Variants in MCTP1 observed in about 807,000 individuals in gnomAD.
MCTP1 encodes the protein multiple C2 and transmembrane domain containing 1, also known as multiple C2 and transmembrane domain-containing protein 1.
In MCTP1, 69 loss-of-function variants were observed where a neutral mutation model predicts 120.6. The ratio of observed to expected loss-of-function variants is 0.57; its 90% CI spans 0.47 to 0.70. MCTP1 has a LOEUF of 0.70. Among genes scored for constraint, MCTP1 ranks in the 30% least tolerant of loss-of-function variants. The pLI is 0.00. For synonymous variants in MCTP1, 529 were observed against 493.1 expected (o/e 1.07, Z -0.96); for missense variants, 1,203 against 1,248.8 (o/e 0.96, Z 0.55).
intron 19 of MCTP1, among the ~76,000 whole-genome samples, chr5:94,740,577 G>T (rs147170822): frequency 1.6e-4 from 25 of 152,246 alleles, no homozygotes; most frequent in Non-Finnish European, 2.5e-4. Flanking sequence ...AGAAATTCAG[G>T]CTGTTGGATT....
chr5:94,918,066 A>G (rs1810579711), intron 7 of MCTP1, 93 bp from the exon 8 acceptor site: 1 of 935,216 alleles, frequency 1.1e-6, no homozygotes, highest in African/African-American at 1.7e-5. Context: ...ACTCTTCAGA[A>G]AACATTATTT....
At chr5:94,777,571 T>G (rs191586650) in intron 19 of MCTP1, among the ~76,000 whole-genome samples, 4 of 152,240 alleles carry the variant, frequency 2.6e-5, no homozygotes, top group Non-Finnish European at 4.4e-5. Context: ...ATCTTTATGG[T>G]GGCTTTAATA....
intron 11 of MCTP1, among the ~76,000 whole-genome samples, chr5:94,893,914 C>T (rs1211795777): frequency 1.3e-5 from 2 of 152,158 alleles, no homozygotes; most frequent in Non-Finnish European, 2.9e-5. Flanking sequence ...AAGGCATTTA[C>T]TTTTTCAAAC....
At position 94,744,630 on chromosome 5, in the gene MCTP1, A is replaced by C. The variant is rs556208862; in HGVS notation, c.2611-29744T>G. 3.7e-3 allele frequency among the ~76,000 whole-genome samples: 563 copies of C among 152,104 alleles called. 3 individuals carry two copies. Among genetic ancestry groups the C allele is most frequent in the Non-Finnish European group, 5.4e-3 (364 of 67,980 alleles). Reference sequence around the variant, plus strand: ...GGGATTCTCACGCCTCAGCCTTCTGAGTAGCTGGGATTACAGGCGTGTGCC... The same window carrying C: ...GGGATTCTCACGCCTCAGCCTTCTGCGTAGCTGGGATTACAGGCGTGTGCC... On this transcript the variant is annotated intron_variant, in intron 19 of 22. Transcript: ENST00000515393.
intron 2 of MCTP1, among the ~76,000 whole-genome samples, chr5:94,965,889 C>T (rs1399183667): frequency 6.6e-6 from 1 of 152,110 alleles, no homozygotes; most frequent in African/African-American, 2.4e-5. Flanking sequence ...TTTTCCTTTC[C>T]AGAGGACCCA....
intron 1 of MCTP1, among the ~76,000 whole-genome samples, chr5:95,175,284 G>C (rs1747830880): frequency 6.6e-6 from 1 of 152,190 alleles, no homozygotes; most frequent in Non-Finnish European, 1.5e-5. Flanking sequence ...TGTCAGATGA[G>C]TTTTCAATTG....
intron 17 of MCTP1, among the ~76,000 whole-genome samples, chr5:94,800,198 A>G (rs1331194175): frequency 1.3e-5 from 2 of 152,200 alleles, no homozygotes; most frequent in Non-Finnish European, 2.9e-5. Flanking sequence ...AACCCAAACC[A>G]TTATTGTGTA....
Position 95,001,323 on chromosome 5 carries a change from T to C in MCTP1, c.838+16044A>G, listed in dbSNP as rs545951829. 3.9e-5 allele frequency among the ~76,000 whole-genome samples: 6 copies of C among 152,216 alleles called. No individual in the cohort carries two copies. In the South Asian group the frequency reaches 1.2e-3, roughly 32 times the overall value. On this transcript the variant is annotated intron_variant, in intron 2 of 22. Transcript: ENST00000515393. ...GCTGCTGTAAAGATACCAAAAAATG[T>C]GGAAGTGACTTTGGAACTCGGTAAT...
At chr5:94,924,325 T>C (rs1490371209) in intron 6 of MCTP1, among the ~76,000 whole-genome samples, 2 of 152,190 alleles carry the variant, frequency 1.3e-5, no homozygotes, top group Non-Finnish European at 2.9e-5. Context: ...TGTTCAAGCA[T>C]ATTTTAATAT....
At position 94,873,166 on chromosome 5, in the gene MCTP1, T is replaced by C. The variant is rs758675904; in HGVS notation, c.2009A>G (p.Asn670Ser). ...CGTGAAGACTTTATTCCACTCAGGA[T>C]TGAGATTTTTGTAGACAGTATGTGT... ...LLTHTVYKNL[N>S]PEWNKVFTFN... The change falls in exon 13 of 23, where the codon AAT becomes AGT. Residue 670 changes from asparagine (N) to serine (S), a missense_variant. Around this residue, in one of 2 missense-constraint regions of MCTP1, gnomAD observed 740 missense variants for 871.1 expected, o/e 0.85. Coordinates refer to ENST00000515393, the MANE Select transcript of MCTP1 (RefSeq NM_024717.7). 6.2e-6 allele frequency: 10 copies of C among 1,606,126 alleles called. No homozygotes were observed. In the South Asian group the frequency reaches 7.7e-5, roughly 12 times the overall value.
At chr5:94,781,760 A>G (rs1268382657) in intron 18 of MCTP1, among the ~76,000 whole-genome samples, 5 of 152,160 alleles carry the variant, frequency 3.3e-5, no homozygotes, top group Admixed American at 1.3e-4. Context: ...TGCAAAACCC[A>G]AACTGTTCTT....
intron 1 of MCTP1, among the ~76,000 whole-genome samples, chr5:95,228,054 T>G (rs1213508265): frequency 6.6e-6 from 1 of 152,136 alleles, no homozygotes; most frequent in East Asian, 1.9e-4. Flanking sequence ...TTATAGTAGT[T>G]CAAACAAAAG....
At chr5:95,102,704 T>C (rs1454891903) in intron 1 of MCTP1, among the ~76,000 whole-genome samples, 2 of 152,088 alleles carry the variant, frequency 1.3e-5, no homozygotes, top group African/African-American at 2.4e-5. Flanking sequence ...GATTACAGTA[T>C]GTTCAGAATA....
chr5:94,962,345 G>A (rs1333822300), intron 2 of MCTP1, among the ~76,000 whole-genome samples: 1 of 151,922 alleles, frequency 6.6e-6, no homozygotes, highest in East Asian at 1.9e-4. Flanking sequence ...ACTTGCACAT[G>A]CATGTTTAAG....
intron 1 of MCTP1, among the ~76,000 whole-genome samples, chr5:95,177,081 T>A (rs1307672291): frequency 6.6e-6 from 1 of 151,328 alleles, no homozygotes; most frequent in Non-Finnish European, 1.5e-5. Context: ...TATATACACA[T>A]AATATATATT....
At chr5:94,728,214 A>T (rs1314742625) in intron 19 of MCTP1, among the ~76,000 whole-genome samples, 2 of 152,200 alleles carry the variant, frequency 1.3e-5, no homozygotes, top group Non-Finnish European at 2.9e-5. Context: ...TTGAGGGAGA[A>T]AGGGCAAGAA....
intron 17 of MCTP1, among the ~76,000 whole-genome samples, chr5:94,857,162 T>C (rs1269137348): frequency 6.6e-6 from 1 of 151,694 alleles, no homozygotes; most frequent in African/African-American, 2.4e-5. Context: ...GGGTTTCTCT[T>C]ACAATAGTAT....
chr5:95,017,571 A>C, intron 1 of MCTP1, 87 bp from the exon 2 acceptor site: 1 of 506,804 alleles, frequency 2.0e-6, no homozygotes. Flanking sequence ...CTTAACCCAA[A>C]TTATAAGAAT....
chr5:95,141,342 C>A (rs952765100), intron 1 of MCTP1, among the ~76,000 whole-genome samples: 1 of 152,164 alleles, frequency 6.6e-6, no homozygotes, highest in African/African-American at 2.4e-5. Context: ...TTACTCAAGA[C>A]CACAGTTTGT....
Sources: allele counts gnomAD v4.1 joint callset (sites outside exome capture counted in the v4.1 genomes callset), GRCh38; gene constraint gnomAD v4.1.1; regional missense constraint gnomAD v4.1.1; transcripts MANE v1.5; gene names NCBI Gene and HGNC (gene_info 2026-07-23, HGNC 2026-07-21).